HNF4A: variants seen among roughly 807,000 people sequenced by gnomAD.
HNF4A encodes hepatocyte nuclear factor 4 alpha.
Under a neutral mutation model 52.4 loss-of-function variants are expected in HNF4A, and 15 were observed. The ratio of observed to expected loss-of-function variants is 0.29; its 90% confidence interval spans 0.19 to 0.44. HNF4A has a LOEUF of 0.44. Ranked by LOEUF, HNF4A falls within the 20% of genes least tolerant of loss-of-function variation. The probability of loss-of-function intolerance (pLI) is 1.00; values close to 1 mark genes in which losing one functional copy is unlikely to be tolerated. For missense variants in HNF4A, 479 were observed against 647.2 expected (o/e 0.74, Z 2.82); for synonymous variants, 280 against 264.4 (o/e 1.06, Z -0.57).
At chr20:44,401,134 C>T (rs2063401578), upstream of HNF4A, 4 of 1,297,934 alleles carry the variant, frequency 3.1e-6, no homozygotes, top group Admixed American at 1.1e-4. Flanking sequence ...ATCCCTGCAG[C>T]CCCGCCCAGC....
intron 6 of HNF4A, among the ~76,000 whole-genome samples, chr20:44,418,865 C>T (rs931627572): frequency 1.5e-4 from 23 of 152,198 alleles, no homozygotes; most frequent in Non-Finnish European, 1.2e-4. Flanking sequence ...AGCCTCCACC[C>T]GCCACGTTCA....
chr20:44,410,125 G>A (rs569657224), intron 3 of HNF4A, among the ~76,000 whole-genome samples: 8 of 152,228 alleles, frequency 5.3e-5, no homozygotes, highest in South Asian at 2.1e-4. Flanking sequence ...GAGCCACTGC[G>A]CCCGGCCCCT....
At chr20:44,410,325 A>C (rs1338291634) in intron 3 of HNF4A, among the ~76,000 whole-genome samples, 1 of 152,196 alleles carries the variant, frequency 6.6e-6, no homozygotes, top group East Asian at 1.9e-4. Flanking sequence ...GGGTTAGTCG[A>C]TGCTAGTGTT....
In HNF4A at chr20:44,362,312, CG is replaced by C. The variant is rs560479155; in HGVS notation, c.49+6462del. On this transcript the variant is annotated intron_variant, in intron 1 of 9. Coordinates refer to the HNF4A transcript ENST00000316673. ...CCAGGCGCCTGTAATCCCAGCTACT[CG>C]GGAGGCTGAGGCAGGAGAATCACTT... is the stretch of plus-strand genomic sequence containing the variant. 2.6e-3 allele frequency among the ~76,000 whole-genome samples: 399 copies of C among 150,996 alleles called. 1 individual carries two copies. Among genetic ancestry groups the C allele is most frequent in the African/African-American group, 8.7e-3 (357 of 41,108 alleles).
chr20:44,405,997 T>A (rs2063494178), intron 1 of HNF4A, 61 bp from the exon 2 acceptor site: 51 of 1,512,246 alleles, frequency 3.4e-5, no homozygotes, highest in Admixed American at 5.0e-5. Flanking sequence ...CCCGCAAGGC[T>A]CCCTTAGATG....
Position 44,424,092 on chromosome 20 carries a change from A to G in HNF4A, c.967A>G (p.Ile323Val), listed in dbSNP as rs920346355. Residue 323 changes from isoleucine (I) to valine (V), a missense_variant, in exon 8 of 10, where the codon ATC (isoleucine) becomes GTC (valine). Around this residue, in one of 3 missense-constraint regions of HNF4A, gnomAD observed 389 missense variants for 525.1 expected, o/e 0.74. Transcript: ENST00000316099. ...GGTGCAGGTGAGCTTGGAGGACTACATCAACGACCGCCAGTATGACTCGCG... is the reference window on the plus strand; with the variant it reads ...GGTGCAGGTGAGCTTGGAGGACTACGTCAACGACCGCCAGTATGACTCGCG... The G allele has an allele frequency of 3.7e-6, 6 of 1,613,280 alleles. No individual in the cohort carries two copies. The highest frequency in any genetic ancestry group is 5.1e-6 in the Non-Finnish European group (6 of 1,180,002).
intron 1 of HNF4A, among the ~76,000 whole-genome samples, chr20:44,403,030 C>T (rs1420016605): frequency 2.0e-5 from 3 of 152,218 alleles, no homozygotes; most frequent in African/African-American, 4.8e-5. Context: ...GTCTGAGGAC[C>T]ACGCCAGGAG....
At chr20:44,397,548 A>G (rs949454453), upstream of HNF4A, among the ~76,000 whole-genome samples, 2 of 152,300 alleles carry the variant, frequency 1.3e-5, no homozygotes, top group East Asian at 1.9e-4. Flanking sequence ...CTACTGTGCT[A>G]TAAGAACTAG....
intron 1 of HNF4A, among the ~76,000 whole-genome samples, chr20:44,364,601 C>T (rs2062952376): frequency 6.6e-6 from 1 of 152,004 alleles, no homozygotes; most frequent in African/African-American, 2.4e-5. Flanking sequence ...TCCTGAGTAG[C>T]TGGGATTACA....
chr20:44,407,244 G>C (rs2063513979), intron 2 of HNF4A, 137 bp from the exon 3 acceptor site: 1 of 725,558 alleles, frequency 1.4e-6, no homozygotes, highest in Non-Finnish European at 2.5e-6. Flanking sequence ...GCTCCTGGTG[G>C]GTTCAAGAGA....
chr20:44,369,783 T>A (rs1206987161), intron 1 of HNF4A, among the ~76,000 whole-genome samples: 3 of 150,298 alleles, frequency 2.0e-5, no homozygotes, highest in Non-Finnish European at 4.4e-5. Flanking sequence ...TACAGGCGCG[T>A]GTCACCATGC....
Position 44,429,484 on chromosome 20 carries a change from A to G in HNF4A, c.1283-39A>G, listed in dbSNP as rs138221628. On this transcript the variant is annotated intron_variant, in intron 9 of 9. Transcript: ENST00000316099. Reference sequence around the variant, plus strand: ...CTTCATTTACTCCCACAAAGGCTGGAATTTTGAGCAGCCCCTGTCTGTCTG... The same window carrying G: ...CTTCATTTACTCCCACAAAGGCTGGGATTTTGAGCAGCCCCTGTCTGTCTG... 8.5e-5 allele frequency: 137 copies of G among 1,614,032 alleles called. No individual in the cohort carries two copies. The African/African-American group carries it at 1.4e-3, about 17-fold the overall frequency.
chr20:44,365,437 C>T (rs1159316391), intron 1 of HNF4A, among the ~76,000 whole-genome samples: 4 of 151,838 alleles, frequency 2.6e-5, no homozygotes, highest in African/African-American at 7.3e-5. Flanking sequence ...CCCAAAATGC[C>T]GGGATTACAG....
In HNF4A at chr20:44,424,160, G is replaced by A; in HGVS notation, c.1035G>A (p.Gln345=). The A allele has an allele frequency of 6.2e-6, 10 of 1,613,894 alleles. No homozygotes were observed. Among genetic ancestry groups the A allele is most frequent in the Non-Finnish European group, 8.5e-6 (10 of 1,180,012 alleles). Residue 345 remains glutamine (Q), a synonymous_variant, in exon 8 of 10, where the codon CAG becomes CAA. Transcript: ENST00000316099. ...TGCTGCTGCTGCTGCCCACCTTGCA[G>A]AGCATCACCTGGCAGATGATCGAGC...
At chr20:44,367,989 T>C (rs2062987111) in intron 1 of HNF4A, among the ~76,000 whole-genome samples, 1 of 148,488 alleles carries the variant, frequency 6.7e-6, no homozygotes, top group African/African-American at 2.5e-5. Flanking sequence ...GAGAGGAGAG[T>C]TTATCTCTCC....
intron 6 of HNF4A, 119 bp downstream of exon 6, chr20:44,418,631 G>A: frequency 1.3e-6 from 1 of 767,922 alleles, no homozygotes; most frequent in Non-Finnish European, 2.2e-6. Flanking sequence ...GTCAGGAGTG[G>A]CCCTGTCCTC....
chr20:44,380,188 A>T (rs902024012), intron 1 of HNF4A, among the ~76,000 whole-genome samples: 1 of 152,128 alleles, frequency 6.6e-6, no homozygotes, highest in Non-Finnish European at 1.5e-5. Context: ...CTCTTATTGC[A>T]GTTTTGATTT....
At chr20:44,383,586 C>T (rs1213116355) in intron 1 of HNF4A, among the ~76,000 whole-genome samples, 2 of 148,316 alleles carry the variant, frequency 1.3e-5, no homozygotes, top group East Asian at 4.0e-4. Context: ...AGTCTCAACT[C>T]TCTCCCCCAG....
chr20:44,400,812 A>T (rs2063397642), upstream of HNF4A, among the ~76,000 whole-genome samples: 1 of 152,194 alleles, frequency 6.6e-6, no homozygotes, highest in Non-Finnish European at 1.5e-5. Flanking sequence ...GGGGCCTGGG[A>T]TTTAGGTTTC....
Sources: gnomAD v4.1 joint callset for allele counts (sites outside exome capture counted in the v4.1 genomes callset) on GRCh38, gnomAD v4.1.1 for gene constraint, gnomAD v4.1.1 regional missense constraint, MANE v1.5 for transcripts, NCBI Gene and HGNC (gene_info 2026-07-23, HGNC 2026-07-21) for gene names.